The following PDE1C variants were observed in gnomAD, a reference collection of about 807,000 sequenced individuals.
PDE1C encodes phosphodiesterase 1C.
In PDE1C, 62 loss-of-function variants were observed where a neutral mutation model predicts 93.1. That is an observed-to-expected ratio of 0.67 (90% CI 0.54 to 0.82). PDE1C has a LOEUF of 0.82. PDE1C is among the 40% of genes least tolerant of loss of function. PDE1C has a pLI of 0.00. For missense variants in PDE1C, 742 were observed against 884.6 expected (o/e 0.84, Z 2.04); for synonymous variants, 325 against 310.1 (o/e 1.05, Z -0.50).
chr7:31,745,420 T>C, the PDE1C span, among the ~76,000 whole-genome samples: 1 of 152,210 alleles, frequency 6.6e-6, no homozygotes, highest in African/African-American at 2.4e-5. Flanking sequence ...AGAAATGGGA[T>C]GGTCCCTGCT....
intron 2 of PDE1C, among the ~76,000 whole-genome samples, chr7:31,976,500 G>A (rs1811689107): frequency 6.6e-6 from 1 of 152,130 alleles, no homozygotes; most frequent in Non-Finnish European, 1.5e-5. Flanking sequence ...TCTCTTAACT[G>A]ATATATGGTT....
intron 1 of PDE1C, among the ~76,000 whole-genome samples, chr7:32,372,008 G>A (rs1034982409): frequency 1.3e-5 from 2 of 149,974 alleles, no homozygotes; most frequent in Admixed American, 6.6e-5. Context: ...GAATGGACTA[G>A]AACTGAAAGT....
At chr7:32,205,819 C>A (rs538736499) in intron 2 of PDE1C, among the ~76,000 whole-genome samples, 3 of 152,264 alleles carry the variant, frequency 2.0e-5, no homozygotes, top group African/African-American at 4.8e-5. Context: ...CTGTAACAGT[C>A]ATTGCCAAGG....
chr7:31,802,989 A>C (rs1336467835), intron 16 of PDE1C, among the ~76,000 whole-genome samples: 1 of 151,762 alleles, frequency 6.6e-6, no homozygotes, highest in African/African-American at 2.4e-5. Flanking sequence ...TGATTTTTCA[A>C]ATATTTTTCC....
upstream of PDE1C, chr7:32,070,927 C>T (rs772481777): frequency 3.0e-6 from 3 of 985,436 alleles, no homozygotes; most frequent in Non-Finnish European, 3.6e-6. Flanking sequence ...CAGCGCCCCG[C>T]TCACTCCCTG....
intron 2 of PDE1C, among the ~76,000 whole-genome samples, chr7:31,992,254 G>A (rs1784231763): frequency 6.6e-6 from 1 of 152,190 alleles, no homozygotes; most frequent in South Asian, 2.1e-4. Flanking sequence ...CTCCAGCTCA[G>A]TGACACCCAA....
At chr7:31,648,910 A>G in the PDE1C span, among the ~76,000 whole-genome samples, 1 of 152,234 alleles carries the variant, frequency 6.6e-6, no homozygotes, top group African/African-American at 2.4e-5. Flanking sequence ...ACCACAGACA[A>G]GTTAACTAGC....
At chr7:31,872,884 G>A (rs1374301793) in intron 6 of PDE1C, among the ~76,000 whole-genome samples, 1 of 151,972 alleles carries the variant, frequency 6.6e-6, no homozygotes, top group Non-Finnish European at 1.5e-5. Flanking sequence ...TGAGCCAAGT[G>A]GTGGGAAAAA....
At chr7:32,211,589 A>AG (rs76117554) in intron 1 of PDE1C, among the ~76,000 whole-genome samples, 3 of 149,604 alleles carry the variant, frequency 2.0e-5, no homozygotes, top group African/African-American at 7.4e-5. Context: ...ATAAAAAAAA[A>AG]GGGGGGGGTA....
chr7:32,334,852 A>G (rs1216901559), intron 1 of PDE1C, among the ~76,000 whole-genome samples: 3 of 152,148 alleles, frequency 2.0e-5, no homozygotes, highest in African/African-American at 7.2e-5. Context: ...GAATGATAGG[A>G]TTGTGGGAGA....
At chr7:31,697,686 A>G in the PDE1C span, among the ~76,000 whole-genome samples, 2 of 152,198 alleles carry the variant, frequency 1.3e-5, no homozygotes, top group African/African-American at 2.4e-5. Context: ...TCATGGCTAG[A>G]GTATGACTCT....
At chr7:32,241,062 G>A (rs1312389290) in intron 1 of PDE1C, among the ~76,000 whole-genome samples, 1 of 152,092 alleles carries the variant, frequency 6.6e-6, no homozygotes, top group African/African-American at 2.4e-5. Flanking sequence ...CTGGAGGAAG[G>A]GCAAGTTGGG....
intron 1 of PDE1C, among the ~76,000 whole-genome samples, chr7:32,223,270 C>A (rs1171727991): frequency 6.6e-6 from 1 of 152,210 alleles, no homozygotes; most frequent in Non-Finnish European, 1.5e-5. Context: ...ACTAAGGGTC[C>A]AGTTGTAGTG....
At chr7:31,970,929 A>G (rs1810866784) in intron 2 of PDE1C, among the ~76,000 whole-genome samples, 1 of 152,098 alleles carries the variant, frequency 6.6e-6, no homozygotes, top group African/African-American at 2.4e-5. Context: ...GATCACCTGA[A>G]GTCAGGAGTT....
chr7:31,703,705 T>G, the PDE1C span, among the ~76,000 whole-genome samples: 1 of 152,204 alleles, frequency 6.6e-6, no homozygotes, highest in South Asian at 2.1e-4. Context: ...CTAATAAGGG[T>G]GTTGAGAGAA....
In PDE1C at chr7:31,848,231, C is replaced by A. The variant is rs896878649; in HGVS notation, c.852-135G>T. ...TTTGTCCCCATGCCAGTTATATGAACCAAAAGCTCAACTAACACTACAAAT... is the reference window on the plus strand; with the variant it reads ...TTTGTCCCCATGCCAGTTATATGAAACAAAAGCTCAACTAACACTACAAAT... On this transcript the variant is annotated intron_variant, in intron 8 of 17. Coordinates refer to ENST00000396191, the MANE Select transcript of PDE1C (RefSeq NM_001191057.4). The A allele has an allele frequency of 6.5e-6, 5 of 774,704 alleles. No individual in the cohort carries two copies. The African/African-American group carries it at 7.0e-5, about 11-fold the overall frequency. The allele number at this position is 774,704 out of a possible 1,614,324, so 48.0% of individuals were successfully genotyped here. A position where few individuals can be genotyped will look rare whatever the true frequency, so the allele number is the denominator to read the frequency against.
intron 2 of PDE1C, among the ~76,000 whole-genome samples, chr7:31,989,883 A>G (rs1277074294): frequency 6.6e-6 from 1 of 152,340 alleles, no homozygotes; most frequent in East Asian, 1.9e-4. Context: ...CTCAACTAGA[A>G]AAACAAGGGA....
At chr7:31,867,392 G>A (rs1795433470) in intron 6 of PDE1C, among the ~76,000 whole-genome samples, 1 of 152,098 alleles carries the variant, frequency 6.6e-6, no homozygotes, top group South Asian at 2.1e-4. Flanking sequence ...ACCTTCCAGT[G>A]CCTCAACACA....
At chr7:31,689,610 GC>G in the PDE1C span, among the ~76,000 whole-genome samples, 1 of 152,106 alleles carries the variant, frequency 6.6e-6, no homozygotes, top group East Asian at 1.9e-4. Context: ...CTCATAAAGA[GC>G]GCCCCTTCTC....
Sources: allele counts gnomAD v4.1 joint callset (sites outside exome capture counted in the v4.1 genomes callset), GRCh38; gene constraint gnomAD v4.1.1; transcripts MANE v1.5; gene names NCBI Gene and HGNC (gene_info 2026-07-23, HGNC 2026-07-21).